The following PHLPP1 variants were observed in gnomAD, a reference collection of about 807,000 sequenced individuals.
PHLPP1 encodes PH domain leucine-rich repeat-containing protein phosphatase 1.
Under a neutral mutation model 117.2 loss-of-function variants are expected in PHLPP1, and 42 were observed. That is an observed-to-expected ratio of 0.36 (90% CI 0.28 to 0.46). The LOEUF is 0.46. Ranked by LOEUF, PHLPP1 falls within the 20% of genes least tolerant of loss-of-function variation. PHLPP1 has a pLI of 1.00. For synonymous variants in PHLPP1, 1,042 were observed against 970.7 expected (o/e 1.07, Z -1.37); for missense variants, 2,084 against 2,241.9 (o/e 0.93, Z 1.42).
chr18:62,823,523 C>T (rs952269096), intron 1 of PHLPP1, among the ~76,000 whole-genome samples: 1 of 151,524 alleles, frequency 6.6e-6, no homozygotes, highest in African/African-American at 2.4e-5. Context: ...TGTGATGGTG[C>T]CACTGCACTC....
At chr18:62,745,287 A>G (rs538165257) in intron 1 of PHLPP1, among the ~76,000 whole-genome samples, 1 of 152,310 alleles carries the variant, frequency 6.6e-6, no homozygotes, top group African/African-American at 2.4e-5. Flanking sequence ...TTAGTTTATC[A>G]TGATTAAGAG....
intron 1 of PHLPP1, among the ~76,000 whole-genome samples, chr18:62,763,340 G>A (rs962350532): frequency 3.3e-5 from 5 of 152,150 alleles, no homozygotes; most frequent in African/African-American, 1.2e-4. Flanking sequence ...GGTGGAACTC[G>A]GGAGGAAGCA....
intron 3 of PHLPP1, among the ~76,000 whole-genome samples, chr18:62,843,572 T>C (rs1915105662): frequency 6.6e-6 from 1 of 152,220 alleles, no homozygotes; most frequent in African/African-American, 2.4e-5. Flanking sequence ...GCAGTCTCTT[T>C]AGAGTTTTTA....
chr18:62,884,391 C>A (rs12962309), intron 4 of PHLPP1, among the ~76,000 whole-genome samples: 9,155 of 152,266 alleles, frequency 0.06, 375 homozygotes, highest in Middle Eastern at 0.11. Context: ...GTTGGACTCA[C>A]TTTGTTAAAA....
intron 4 of PHLPP1, among the ~76,000 whole-genome samples, chr18:62,879,397 T>G (rs1599098859): frequency 6.6e-6 from 1 of 150,932 alleles, no homozygotes; most frequent in African/African-American, 2.5e-5. Flanking sequence ...CCAATGGTAT[T>G]CTGGATATGT....
At chr18:62,858,314 C>G (rs1787243) in intron 3 of PHLPP1, among the ~76,000 whole-genome samples, 83,875 of 149,862 alleles carry the variant, frequency 0.56, 23,857 homozygotes, top group Non-Finnish European at 0.62. Flanking sequence ...CCAGGCTGGA[C>G]TGCAATGGCA....
chr18:62,850,975 T>C (rs1051704034), intron 3 of PHLPP1, among the ~76,000 whole-genome samples: 2 of 152,242 alleles, frequency 1.3e-5, no homozygotes, highest in Non-Finnish European at 2.9e-5. Context: ...TGTGCTCTTA[T>C]GGCACTGCTG....
intron 6 of PHLPP1, among the ~76,000 whole-genome samples, chr18:62,900,630 T>A (rs1916700346): frequency 1.3e-5 from 2 of 151,832 alleles, no homozygotes; most frequent in Non-Finnish European, 2.9e-5. Context: ...CATGGCTGGC[T>A]AATTTTTTAT....
At chr18:62,840,027 A>T (rs1342114726) in intron 3 of PHLPP1, among the ~76,000 whole-genome samples, 1 of 152,028 alleles carries the variant, frequency 6.6e-6, no homozygotes, top group African/African-American at 2.4e-5. Flanking sequence ...ATATGCTTTC[A>T]TATTTTTGAA....
chr18:62,809,718 T>G (rs1482196810), intron 1 of PHLPP1, among the ~76,000 whole-genome samples: 1 of 152,014 alleles, frequency 6.6e-6, no homozygotes. Context: ...AAAAAGTCAT[T>G]GGCATTTCTC....
chr18:62,856,477 G>C (rs539106207), intron 3 of PHLPP1, among the ~76,000 whole-genome samples: 6 of 152,148 alleles, frequency 3.9e-5, no homozygotes, highest in Non-Finnish European at 5.9e-5. Flanking sequence ...GCCCAGGCTG[G>C]AGTGCAGTGG....
chr18:62,957,817 GCGATTC>G (rs1292994381), intron 12 of PHLPP1, among the ~76,000 whole-genome samples: 2 of 151,926 alleles, frequency 1.3e-5, no homozygotes, highest in Admixed American at 1.3e-4. Flanking sequence ...CCAGAATCAA[GCGATTC>G]TCCTGCCTCA....
intron 1 of PHLPP1, among the ~76,000 whole-genome samples, chr18:62,748,799 C>T (rs1248480636): frequency 2.0e-5 from 3 of 152,080 alleles, no homozygotes; most frequent in Non-Finnish European, 4.4e-5. Flanking sequence ...TGGATTCAAT[C>T]TATTTATATT....
At chr18:62,729,398 T>A (rs1251790632) in intron 1 of PHLPP1, among the ~76,000 whole-genome samples, 1 of 152,188 alleles carries the variant, frequency 6.6e-6, no homozygotes, top group African/African-American at 2.4e-5. Flanking sequence ...GACCCATTGC[T>A]GTAAAATACT....
At chr18:62,738,542 T>C (rs1368256439) in intron 1 of PHLPP1, among the ~76,000 whole-genome samples, 4 of 152,218 alleles carry the variant, frequency 2.6e-5, no homozygotes, top group African/African-American at 7.2e-5. Context: ...TATAAGGGAC[T>C]TGAGTGTCCA....
chr18:62,912,289 A>G (rs1315982204), intron 8 of PHLPP1, among the ~76,000 whole-genome samples: 1 of 140,166 alleles, frequency 7.1e-6, no homozygotes, highest in Non-Finnish European at 1.6e-5. Flanking sequence ...GTACCCTAAA[A>G]CTTAGAGTAT....
At chr18:62,838,742 G>A in intron 2 of PHLPP1, 42 bp from the exon 3 acceptor site, 2 of 1,605,678 alleles carry the variant, frequency 1.2e-6, no homozygotes, top group South Asian at 1.1e-5. Flanking sequence ...CAGTGGTTCT[G>A]CTGTCTGACT....
At chr18:62,974,021 C>T (rs1911123138) in intron 15 of PHLPP1, among the ~76,000 whole-genome samples, 1 of 152,214 alleles carries the variant, frequency 6.6e-6, no homozygotes, top group Non-Finnish European at 1.5e-5. Flanking sequence ...ATCATATGCA[C>T]ACACATACAC....
intron 1 of PHLPP1, among the ~76,000 whole-genome samples, chr18:62,765,114 G>T (rs1269772527): frequency 2.0e-5 from 3 of 152,142 alleles, no homozygotes; most frequent in Non-Finnish European, 4.4e-5. Flanking sequence ...ACTCAGGATT[G>T]TTACCGTGAA....
Sources: gnomAD v4.1 joint callset for allele counts (sites outside exome capture counted in the v4.1 genomes callset) on GRCh38, gnomAD v4.1.1 for gene constraint, MANE v1.5 for transcripts, NCBI Gene and HGNC (gene_info 2026-07-23, HGNC 2026-07-21) for gene names.